Variants in ITGBL1 observed in about 807,000 individuals in gnomAD.
ITGBL1 encodes integrin beta-like protein 1.
In ITGBL1, 51 loss-of-function variants were observed where a neutral mutation model predicts 68.5. The ratio of observed to expected loss-of-function variants is 0.74; its 90% CI spans 0.59 to 0.94. The LOEUF (loss-of-function observed/expected upper bound fraction) is 0.94, where lower values mean the gene tolerates loss of function less well. ITGBL1 is among the 40% of genes least tolerant of loss of function. The probability of loss-of-function intolerance (pLI) is 0.00; values close to 1 mark genes in which losing one functional copy is unlikely to be tolerated. For missense variants in ITGBL1, 649 were observed against 647.4 expected, an observed-to-expected ratio of 1.00 and a Z score of -0.03; for synonymous variants, 209 against 227.3, an observed-to-expected ratio of 0.92 and a Z score of 0.72.
At chr13:101,564,991 C>A (rs530131615) in intron 2 of ITGBL1, among the ~76,000 whole-genome samples, 1 of 152,116 alleles carries the variant, frequency 6.6e-6, no homozygotes, top group South Asian at 2.1e-4. Context: ...TTACCTGCAA[C>A]CACCAGCAAC....
chr13:101,651,411 C>G (rs1257348708), intron 7 of ITGBL1, among the ~76,000 whole-genome samples: 2 of 152,016 alleles, frequency 1.3e-5, no homozygotes, highest in Non-Finnish European at 2.9e-5. Flanking sequence ...ATGTTGACCT[C>G]TAATGATCAG....
intron 2 of ITGBL1, among the ~76,000 whole-genome samples, chr13:101,519,480 C>T (rs1392051731): frequency 6.6e-6 from 1 of 152,164 alleles, no homozygotes; most frequent in East Asian, 1.9e-4. Flanking sequence ...CTTTCTCTCT[C>T]TCCCTTTACT....
chr13:101,537,793 C>T (rs1347534092), intron 2 of ITGBL1, among the ~76,000 whole-genome samples: 1 of 151,904 alleles, frequency 6.6e-6, no homozygotes, highest in Non-Finnish European at 1.5e-5. Context: ...ATATCTTTAG[C>T]TTTGTTTAAT....
At chr13:101,568,953 C>A (rs889753012) in intron 3 of ITGBL1, among the ~76,000 whole-genome samples, 1 of 151,846 alleles carries the variant, frequency 6.6e-6, no homozygotes, top group Non-Finnish European at 1.5e-5. Context: ...CATCATATTT[C>A]TCTAGCACTT....
intron 2 of ITGBL1, among the ~76,000 whole-genome samples, chr13:101,474,312 A>G (rs1168934503): frequency 6.6e-6 from 1 of 152,094 alleles, no homozygotes; most frequent in Non-Finnish European, 1.5e-5. Flanking sequence ...GGTAATGGCC[A>G]TGGATAGACA....
intron 7 of ITGBL1, among the ~76,000 whole-genome samples, chr13:101,677,757 C>G (rs1448091332): frequency 6.6e-6 from 1 of 152,102 alleles, no homozygotes; most frequent in East Asian, 1.9e-4. Flanking sequence ...TTAATCCTGC[C>G]TATGATGAAT....
intron 2 of ITGBL1, among the ~76,000 whole-genome samples, chr13:101,510,847 T>C (rs1270063419): frequency 6.6e-6 from 1 of 152,048 alleles, no homozygotes; most frequent in Non-Finnish European, 1.5e-5. Flanking sequence ...GGGTTATTTG[T>C]TTTATGCTTG....
rs560229011 is a variant in ITGBL1 at position 101,609,560 on chromosome 13, A to G, written c.1015+11261A>G. 3.3e-5 allele frequency among the ~76,000 whole-genome samples: 5 copies of G among 152,152 alleles called. No individual in the cohort carries two copies. In the East Asian group the frequency reaches 9.6e-4, roughly 29 times the overall value. ...AGAAGAGACGATCTCATTCAGGTTG[A>G]TTTTTCAGAGATTCCCCTTTGCAGT... On this transcript the variant is annotated intron_variant, in intron 7 of 10. Transcript: ENST00000376180.
intron 8 of ITGBL1, among the ~76,000 whole-genome samples, 166 bp from the exon 9 acceptor site, chr13:101,706,590 G>T (rs1173317758): frequency 6.6e-6 from 1 of 152,170 alleles, no homozygotes; most frequent in African/African-American, 2.4e-5. Context: ...CTAGAACTCT[G>T]TTGTAAGTTC....
intron 2 of ITGBL1, among the ~76,000 whole-genome samples, chr13:101,565,625 T>G (rs1281980242): frequency 1.3e-5 from 2 of 152,182 alleles, no homozygotes; most frequent in Non-Finnish European, 2.9e-5. Flanking sequence ...AAAAGGGGCC[T>G]CGTAGCCAAA....
intron 7 of ITGBL1, 68 bp downstream of exon 7, chr13:101,598,367 C>T (rs1205105813): frequency 1.7e-5 from 20 of 1,197,482 alleles, no homozygotes; most frequent in Non-Finnish European, 2.2e-5. Context: ...AATGCACACA[C>T]ATCTTTTTGT....
chr13:101,566,040 T>C (rs1356518696), intron 2 of ITGBL1, among the ~76,000 whole-genome samples: 1 of 152,174 alleles, frequency 6.6e-6, no homozygotes, highest in African/African-American at 2.4e-5. Context: ...CTATTTAATA[T>C]AAAATTTAAA....
intron 6 of ITGBL1, among the ~76,000 whole-genome samples, chr13:101,585,695 G>A (rs971359406): frequency 6.6e-6 from 1 of 152,086 alleles, no homozygotes; most frequent in Non-Finnish European, 1.5e-5. Flanking sequence ...CTCCCAAAGT[G>A]CTGGGATTAC....
At chr13:101,459,968 C>T (rs2048295994) in intron 2 of ITGBL1, among the ~76,000 whole-genome samples, 1 of 152,050 alleles carries the variant, frequency 6.6e-6, no homozygotes, top group Admixed American at 6.6e-5. Flanking sequence ...GACTTCCTGG[C>T]TCTTGAGGCT....
At chr13:101,468,867 T>C (rs886843804) in intron 2 of ITGBL1, among the ~76,000 whole-genome samples, 1 of 152,184 alleles carries the variant, frequency 6.6e-6, no homozygotes, top group Non-Finnish European at 1.5e-5. Context: ...TTAGAGAGAT[T>C]GCATTTAACA....
rs114254974 is a variant in ITGBL1 at position 101,531,317 on chromosome 13, T to G, written c.317-36382T>G. ...CTGCTGCTGCTCCACTGAATTGCAG[T>G]TTAACTTAGCTGTAACTTAAAGTTT... On this transcript the variant is annotated intron_variant, in intron 2 of 10. Coordinates refer to ENST00000376180, the MANE Select transcript of ITGBL1 (RefSeq NM_004791.3). 6.1e-3 allele frequency among the ~76,000 whole-genome samples: 930 copies of G among 152,322 alleles called. 12 individuals carry two copies. Among genetic ancestry groups the G allele is most frequent in the African/African-American group, 0.021 (871 of 41,564 alleles).
chr13:101,586,463 T>C (rs2050559430), intron 6 of ITGBL1, among the ~76,000 whole-genome samples: 1 of 152,204 alleles, frequency 6.6e-6, no homozygotes, highest in African/African-American at 2.4e-5. Context: ...TCTACTCTAT[T>C]GGACCCTTGC....
chr13:101,649,794 TTAAAG>T (rs1255385761), intron 7 of ITGBL1, among the ~76,000 whole-genome samples: 1 of 152,222 alleles, frequency 6.6e-6, no homozygotes, highest in Non-Finnish European at 1.5e-5. Context: ...ATTTTTCAGC[TTAAAG>T]TTTATTAAGA....
intron 7 of ITGBL1, among the ~76,000 whole-genome samples, chr13:101,632,011 C>T (rs1006636594): frequency 2.0e-5 from 3 of 150,630 alleles, no homozygotes; most frequent in Non-Finnish European, 3.0e-5. Context: ...ATACGGTACA[C>T]AAAAAAAAGC....
Sources: allele counts gnomAD v4.1 joint callset (sites outside exome capture counted in the v4.1 genomes callset), GRCh38; gene constraint gnomAD v4.1.1; transcripts MANE v1.5; gene names NCBI Gene and HGNC (gene_info 2026-07-23, HGNC 2026-07-21).